Variants in IFT140 observed in about 807,000 individuals in gnomAD.
IFT140 encodes intraflagellar transport protein 140 homolog.
In IFT140, 133 loss-of-function variants were observed where a neutral mutation model predicts 164.6. The ratio of observed to expected loss-of-function variants is 0.81; its 90% CI spans 0.70 to 0.93. IFT140 has a LOEUF of 0.93. Among genes scored for constraint, IFT140 ranks in the 40% least tolerant of loss-of-function variants. The pLI, the probability that IFT140 is intolerant of heterozygous loss-of-function variation, is 0.00. For missense variants in IFT140, 2,045 were observed against 1,972.3 expected, an observed-to-expected ratio of 1.04 and a Z score of -0.70; for synonymous variants, 860 against 817.3, an observed-to-expected ratio of 1.05 and a Z score of -0.89.
intron 13 of IFT140, among the ~76,000 whole-genome samples, 181 bp from the exon 14 acceptor site, chr16:1,571,715 C>CGCA (rs2034023498): frequency 1.3e-5 from 2 of 152,196 alleles, no homozygotes; most frequent in African/African-American, 4.8e-5. Context: ...TCAGAGTGTG[C>CGCA]CCAGCACTCT....
At position 1,564,053 on chromosome 16, in the gene IFT140, G is replaced by A. The variant is rs371561039; in HGVS notation, c.2011C>T (p.Arg671Cys). Residue 671 changes from arginine (R) to cysteine (C), a missense_variant, in exon 17 of 31, where the codon CGC becomes TGC. Arg to Cys is a radical substitution (Grantham distance 180, BLOSUM62 -3). Transcript: ENST00000426508. The surrounding 1 kb of genome is among the most constrained non-coding windows in gnomAD (Gnocchi z 5.5). Reference protein sequence around the residue: ...FVCEAVQETPRSQPQSANGQP... With the variant: ...FVCEAVQETPCSQPQSANGQP... Reference sequence around the variant, plus strand: ...CCGTTTGCAGACTGAGGCTGGGAGCGCGGCGTCTCCTGCACGGCTTCGCAT... The same window carrying A: ...CCGTTTGCAGACTGAGGCTGGGAGCACGGCGTCTCCTGCACGGCTTCGCAT... 4.1e-5 allele frequency: 65 copies of A among 1,601,186 alleles called. No homozygotes were observed. Among genetic ancestry groups the A allele is most frequent in the Admixed American group, 2.0e-4 (12 of 59,718 alleles).
In IFT140 at chr16:1,534,472, G is replaced by C. The variant is rs745773861; in HGVS notation, c.2400-7676C>G. The C allele has an allele frequency of 8.7e-6, 14 of 1,610,742 alleles. No homozygotes were observed. In the South Asian group the frequency reaches 1.4e-4, roughly 16 times the overall value. On this transcript the variant is annotated intron_variant, in intron 19 of 30. Transcript: ENST00000426508. ...GGGCCGAGCCCTGGGGCCAGAGCCG[G>C]CCAGGTGGACGCACATGACTGTGAG...
At chr16:1,518,785 C>A (rs2040437809) in intron 29 of IFT140, among the ~76,000 whole-genome samples, 1 of 151,916 alleles carries the variant, frequency 6.6e-6, no homozygotes, top group Non-Finnish European at 1.5e-5. Flanking sequence ...GCGTGTGTGA[C>A]CTGGCGTGAG....
chr16:1,582,319 G>A (rs1271322581), intron 12 of IFT140, among the ~76,000 whole-genome samples: 1 of 152,158 alleles, frequency 6.6e-6, no homozygotes, highest in Non-Finnish European at 1.5e-5. Context: ...TCAGACCAGG[G>A]GCAATGTGAC....
intron 18 of IFT140, among the ~76,000 whole-genome samples, chr16:1,561,711 C>A (rs144064777): frequency 9.8e-4 from 149 of 152,314 alleles, no homozygotes; most frequent in African/African-American, 3.4e-3. Context: ...GAGTCCTGCC[C>A]GAGAGCTCCT....
chr16:1,578,586 A>AG (rs1314294508), intron 13 of IFT140, among the ~76,000 whole-genome samples: 1 of 152,046 alleles, frequency 6.6e-6, no homozygotes, highest in East Asian at 1.9e-4. Context: ...CTTAAAAAAA[A>AG]AAAAAAAAGA....
At chr16:1,591,642 C>G (rs1047809670) in intron 6 of IFT140, among the ~76,000 whole-genome samples, 1 of 152,172 alleles carries the variant, frequency 6.6e-6, no homozygotes, top group Non-Finnish European at 1.5e-5. Context: ...CTGGCCTTGG[C>G]TGCGCAGCCT....
intron 26 of IFT140, 101 bp from the exon 27 acceptor site, chr16:1,520,909 C>CAGAGGAA: frequency 8.9e-7 from 1 of 1,125,262 alleles, no homozygotes; most frequent in Non-Finnish European, 1.3e-6. Flanking sequence ...CCCCTCGGCT[C>CAGAGGAA]AGCGGCGGCT....
At chr16:1,539,569 C>T (rs1030701211) in intron 19 of IFT140, among the ~76,000 whole-genome samples, 4 of 152,264 alleles carry the variant, frequency 2.6e-5, no homozygotes, top group Admixed American at 6.5e-5. Flanking sequence ...TCTCAGCCCC[C>T]GCGTCTTCTG....
chr16:1,570,511 T>C (rs993395089), intron 14 of IFT140, among the ~76,000 whole-genome samples: 2 of 152,162 alleles, frequency 1.3e-5, no homozygotes, highest in African/African-American at 4.8e-5. Context: ...CCAATTCCAG[T>C]GCACACGCAT....
At chr16:1,536,026 C>A (rs548780113) in intron 19 of IFT140, among the ~76,000 whole-genome samples, 9 of 152,372 alleles carry the variant, frequency 5.9e-5, no homozygotes, top group Admixed American at 5.9e-4. Context: ...CGGCTTTAGG[C>A]CCCTGGAGGT....
chr16:1,541,944 T>C, intron 19 of IFT140: 1 of 1,607,872 alleles, frequency 6.2e-7, no homozygotes, highest in Non-Finnish European at 8.5e-7. Flanking sequence ...GATGCGCGCC[T>C]GCAACCTGGT....
intron 26 of IFT140, among the ~76,000 whole-genome samples, chr16:1,521,870 A>T (rs1221247026): frequency 6.6e-6 from 1 of 151,002 alleles, no homozygotes; most frequent in Non-Finnish European, 1.5e-5. Flanking sequence ...AGAAAAAAAA[A>T]CAGTAATAAC....
At chr16:1,523,777 C>T (rs755295465) in intron 25 of IFT140, 51 bp downstream of exon 25, 65 of 1,606,772 alleles carry the variant, frequency 4.0e-5, no homozygotes, top group Non-Finnish European at 2.3e-5. Flanking sequence ...AGGCAAGGGC[C>T]CCCTGGCTTG....
rs368151122 is a variant in IFT140, at chr16:1,510,795, C to A, written c.*149G>T. The A allele has an allele frequency of 2.6e-6, 2 of 755,418 alleles. No homozygotes were observed. The highest frequency in any genetic ancestry group is 3.4e-5 in the African/African-American group (2 of 57,974). The allele number at this position is 755,418 out of a possible 1,614,324, so 46.8% of individuals were successfully genotyped here. ...AGACGGGTCACACCCTCCGCCGGCC[C>A]GGGCCGCTGCGTTCTCGCCCAGCTC... On this transcript the variant is annotated 3_prime_UTR_variant, in exon 31 of 31. Coordinates refer to ENST00000426508, the MANE Select transcript of IFT140 (RefSeq NM_014714.4).
rs2033576582 is a variant in IFT140, at chr16:1,564,049, G to A, written c.2015C>T (p.Ser672Phe). The change falls in exon 17 of 31, where the codon TCC (serine) becomes TTC (phenylalanine). Residue 672 changes from serine (S) to phenylalanine (F), a missense_variant. By Grantham distance (155) the Ser-to-Phe change is radical. Transcript: ENST00000426508. This position sits in a 1 kb window ranked among gnomAD's most constrained non-coding sequence, Gnocchi z 5.5. ...VCEAVQETPR[S>F]QPQSANGQPQ... ...CTGCCCGTTTGCAGACTGAGGCTGG[G>A]AGCGCGGCGTCTCCTGCACGGCTTC... 1.2e-6 allele frequency: 2 copies of A among 1,601,534 alleles called. No homozygotes were observed. Among genetic ancestry groups the A allele is most frequent in the Non-Finnish European group, 1.7e-6 (2 of 1,170,148 alleles).
At chr16:1,549,538 T>G (rs1332113564) in intron 19 of IFT140, among the ~76,000 whole-genome samples, 1 of 152,138 alleles carries the variant, frequency 6.6e-6, no homozygotes, top group African/African-American at 2.4e-5. Flanking sequence ...TTCAAGAAAT[T>G]CTCCTGCCTC....
intron 18 of IFT140, among the ~76,000 whole-genome samples, chr16:1,558,891 C>T (rs1283962205): frequency 6.6e-6 from 1 of 152,230 alleles, no homozygotes; most frequent in East Asian, 1.9e-4. Context: ...CAGCCACCTG[C>T]CTCCCCAGCT....
chr16:1,524,966 C>A (rs375525675), intron 22 of IFT140, 50 bp from the exon 23 acceptor site: 37 of 1,569,528 alleles, frequency 2.4e-5, no homozygotes, highest in Middle Eastern at 4.3e-4. Flanking sequence ...CCGCTCCAAC[C>A]CGGGACGGCC....
Sources: allele counts gnomAD v4.1 joint callset (sites outside exome capture counted in the v4.1 genomes callset), GRCh38; gene constraint gnomAD v4.1.1; non-coding constraint Gnocchi (gnomAD v3.1); transcripts MANE v1.5; gene names NCBI Gene and HGNC (gene_info 2026-07-23, HGNC 2026-07-21).